The following EMP2 variants were observed in gnomAD, a reference collection of about 807,000 sequenced individuals.
EMP2 encodes the protein epithelial membrane protein 2.
EMP2 carries 19 observed loss-of-function variants against 13.7 expected under a neutral mutation model. That is an observed-to-expected ratio of 1.38 (90% CI 0.97 to 2.03). EMP2 has a LOEUF of 2.03. EMP2 is among the 30% of genes most tolerant of loss of function. The pLI is 0.00. For synonymous variants in EMP2, 97 were observed against 84.7 expected (o/e 1.15, Z -0.80); for missense variants, 253 against 220.7 (o/e 1.15, Z -0.93).
chr16:10,554,538 C>G (rs2050813158), intron 1 of EMP2, among the ~76,000 whole-genome samples: 1 of 152,176 alleles, frequency 6.6e-6, no homozygotes, highest in African/African-American at 2.4e-5. Flanking sequence ...TACGAAAGAA[C>G]AAACAAACAG....
At chr16:10,551,794 A>T (rs2050790433) in intron 1 of EMP2, among the ~76,000 whole-genome samples, 1 of 151,672 alleles carries the variant, frequency 6.6e-6, no homozygotes, top group African/African-American at 2.4e-5. Context: ...CAAACCCTCC[A>T]CCTTTTCACT....
intron 1 of EMP2, among the ~76,000 whole-genome samples, chr16:10,575,355 G>A (rs1016623677): frequency 6.5e-5 from 9 of 139,456 alleles, no homozygotes; most frequent in Admixed American, 4.8e-4. Flanking sequence ...CCGGGTTCAC[G>A]CCATTTTCCT....
At position 10,549,883 on chromosome 16, in the gene EMP2, C is replaced by CTTTT. The variant is rs59259895; in HGVS notation, c.-60-2210_-60-2207dup. On this transcript the variant is annotated intron_variant, in intron 1 of 4. Coordinates refer to ENST00000359543, the MANE Select transcript of EMP2 (RefSeq NM_001424.6). ...TTTTCTTTTCTTTTTTTTTCTTTTT[C>CTTTT]TTTTTTTTTTTTTTTTTTTTGAGAC... Among the ~76,000 whole-genome samples the CTTTT allele has an allele frequency of 1.2e-3, 132 of 112,248 alleles. 3 individuals carry two copies. Among genetic ancestry groups the CTTTT allele is most frequent in the African/African-American group, 3.2e-3 (81 of 25,324 alleles). The allele number at this position is 112,248 out of a possible 152,430, so 73.6% of individuals were successfully genotyped here.
intron 1 of EMP2, among the ~76,000 whole-genome samples, chr16:10,549,683 T>C (rs150171266): frequency 5.3e-5 from 8 of 151,742 alleles, no homozygotes; most frequent in African/African-American, 1.7e-4. Flanking sequence ...TGGGATGAAA[T>C]TGTAGCCCCA....
At chr16:10,533,407 G>A (rs763826383) in intron 4 of EMP2, among the ~76,000 whole-genome samples, 7 of 152,142 alleles carry the variant, frequency 4.6e-5, no homozygotes, top group Non-Finnish European at 8.8e-5. Context: ...TTTTGTGGAA[G>A]GATATTGTCA....
Position 10,532,523 on chromosome 16 carries a change from G to T in EMP2, c.*382C>A, listed in dbSNP as rs553951265. 104 of 153,612 alleles carry T rather than the reference G, an allele frequency of 6.8e-4. No individual in the cohort carries two copies. Among genetic ancestry groups the T allele is most frequent in the Admixed American group, 2.7e-3 (41 of 15,314 alleles). 9.5% of individuals were successfully genotyped at this position (153,612 alleles called of 1,614,324 possible). On this transcript the variant is annotated 3_prime_UTR_variant, in exon 5 of 5. Coordinates refer to ENST00000359543, the MANE Select transcript of EMP2 (RefSeq NM_001424.6). ...GGCTTGGGCCAGCTGAAACCCATAG[G>T]AAGCACGTCCCCAGAGACCCGGCTT...
chr16:10,577,379 T>C (rs2050990822), intron 1 of EMP2, among the ~76,000 whole-genome samples: 1 of 152,176 alleles, frequency 6.6e-6, no homozygotes, highest in Admixed American at 6.5e-5. Flanking sequence ...ACTCTCTCGC[T>C]GGGTGGCAGC....
At chr16:10,578,542 A>T (rs1428075325) in intron 1 of EMP2, among the ~76,000 whole-genome samples, 1 of 151,992 alleles carries the variant, frequency 6.6e-6, no homozygotes, top group Non-Finnish European at 1.5e-5. Flanking sequence ...GAGCGGGTGC[A>T]CCCCCTCCTC....
intron 1 of EMP2, among the ~76,000 whole-genome samples, chr16:10,549,748 CAT>C (rs2050770025): frequency 6.6e-6 from 1 of 151,640 alleles, no homozygotes; most frequent in Non-Finnish European, 1.5e-5. Flanking sequence ...CACACACACA[CAT>C]ACACTGTCTC....
intron 1 of EMP2, among the ~76,000 whole-genome samples, chr16:10,561,287 A>G (rs909819679): frequency 4.6e-5 from 7 of 152,232 alleles, no homozygotes; most frequent in Non-Finnish European, 8.8e-5. Context: ...GTGACATGGT[A>G]GAAATGCATT....
At chr16:10,539,807 C>T (rs565369390) in intron 3 of EMP2, among the ~76,000 whole-genome samples, 6 of 152,246 alleles carry the variant, frequency 3.9e-5, no homozygotes, top group South Asian at 4.1e-4. Flanking sequence ...ACGAGGGCTT[C>T]GTAAAGCCAC....
chr16:10,532,771 T>TTTTTC lies in EMP2; in HGVS notation c.*133_*134insGAAAA, dbSNP rs1567199146. 2.9e-3 allele frequency: 1,087 copies of TTTTTC among 377,416 alleles called. 28 individuals are homozygous for TTTTTC. Among genetic ancestry groups the TTTTTC allele is most frequent in the African/African-American group, 0.023 (1,013 of 44,808 alleles). The allele number at this position is 377,416 out of a possible 1,614,324, so 23.4% of individuals were successfully genotyped here. A position where few individuals can be genotyped will look rare whatever the true frequency, so the allele number is the denominator to read the frequency against. ...TTTTTCTTTTTTCTTTTTTTTTTTT[T>TTTTTC]TTTTTTTTTTTTTTTGGCTTTTAAA... On this transcript the variant is annotated 3_prime_UTR_variant, in exon 5 of 5. Transcript: ENST00000359543.
intron 1 of EMP2, among the ~76,000 whole-genome samples, chr16:10,549,714 C>T (rs1053471916): frequency 5.0e-5 from 4 of 80,488 alleles, no homozygotes; most frequent in African/African-American, 1.3e-4. Flanking sequence ...GATTAATGCA[C>T]GCACACACAC....
intron 1 of EMP2, among the ~76,000 whole-genome samples, chr16:10,570,053 G>A (rs143387142): frequency 1.3e-5 from 2 of 151,434 alleles, no homozygotes; most frequent in African/African-American, 4.9e-5. Flanking sequence ...TGAGACACTG[G>A]GGATACATCG....
intron 1 of EMP2, among the ~76,000 whole-genome samples, chr16:10,553,247 C>A (rs913897976): frequency 1.3e-5 from 2 of 152,220 alleles, no homozygotes; most frequent in African/African-American, 4.8e-5. Context: ...CAGCCACTGC[C>A]CTCTTAGAGG....
chr16:10,570,518 C>G (rs947036408), intron 1 of EMP2, among the ~76,000 whole-genome samples: 1 of 152,202 alleles, frequency 6.6e-6, no homozygotes, highest in African/African-American at 2.4e-5. Flanking sequence ...CTGCCTCAGC[C>G]TCCCAAGTAG....
Position 10,530,353 on chromosome 16 carries a change from T to A in EMP2, c.*2552A>T, listed in dbSNP as rs28406481. 9,293 of 152,556 alleles carry A rather than the reference T, an allele frequency of 0.061. 959 individuals are homozygous for A. Among genetic ancestry groups the A allele is most frequent in the African/African-American group, 0.21 (8,732 of 41,496 alleles). 9.5% of individuals were successfully genotyped at this position (152,556 alleles called of 1,614,324 possible). A position where few individuals can be genotyped will look rare whatever the true frequency, so the allele number is the denominator to read the frequency against. On this transcript the variant is annotated 3_prime_UTR_variant, in exon 5 of 5. Coordinates refer to ENST00000359543, the MANE Select transcript of EMP2 (RefSeq NM_001424.6). ...GCAGATGGAAAGAGCCAATCCTGCATTGAAGAGATATCCATGGTGGCCCTA... is the reference window on the plus strand; with the variant it reads ...GCAGATGGAAAGAGCCAATCCTGCAATGAAGAGATATCCATGGTGGCCCTA...
chr16:10,537,136 C>G (rs2050653757), intron 4 of EMP2, among the ~76,000 whole-genome samples: 1 of 152,190 alleles, frequency 6.6e-6, no homozygotes, highest in Non-Finnish European at 1.5e-5. Flanking sequence ...CTCGTCAACT[C>G]CTGATTGGAA....
At chr16:10,543,371 C>A (rs1434518347) in intron 3 of EMP2, among the ~76,000 whole-genome samples, 199 bp downstream of exon 3, 1 of 152,264 alleles carries the variant, frequency 6.6e-6, no homozygotes, top group Non-Finnish European at 1.5e-5. Context: ...TCCCTCCAGC[C>A]TCCGGCTTCT....
Sources: gnomAD v4.1 joint callset for allele counts (sites outside exome capture counted in the v4.1 genomes callset) on GRCh38, gnomAD v4.1.1 for gene constraint, MANE v1.5 for transcripts, NCBI Gene and HGNC (gene_info 2026-07-23, HGNC 2026-07-21) for gene names.